The following C16orf96 variants were observed in gnomAD, a reference collection of about 807,000 sequenced individuals.
C16orf96 encodes uncharacterized protein C16orf96.
In C16orf96, 108 loss-of-function variants were observed where a neutral mutation model predicts 103.6. The observed-to-expected ratio is 1.04, with a 90% confidence interval of 0.89 to 1.22. C16orf96 has a LOEUF of 1.22. C16orf96 is among the 50% of genes most tolerant of loss of function. C16orf96 has a pLI of 0.00. For synonymous variants in C16orf96, 566 were observed against 593.5 expected, an observed-to-expected ratio of 0.95 and a Z score of 0.67; for missense variants, 1,586 against 1,464.2, an observed-to-expected ratio of 1.08 and a Z score of -1.36.
chr16:4,598,228 G>T (rs1251376734), intron 14 of C16orf96, among the ~76,000 whole-genome samples: 2 of 152,144 alleles, frequency 1.3e-5, no homozygotes, highest in Non-Finnish European at 2.9e-5. Context: ...GAGGCTCCCT[G>T]CAGTCCCAGC....
the C16orf96 span, among the ~76,000 whole-genome samples, chr16:4,550,425 C>T: frequency 1.3e-5 from 2 of 152,204 alleles, no homozygotes; most frequent in African/African-American, 4.8e-5. Context: ...AGAGCAAACA[C>T]TGACTGGTCC....
At chr16:4,557,197 TG>T (rs1422933937) in intron 1 of C16orf96, among the ~76,000 whole-genome samples, 2 of 152,126 alleles carry the variant, frequency 1.3e-5, no homozygotes, top group Non-Finnish European at 2.9e-5. Flanking sequence ...CTCAAACCCC[TG>T]ATCTCAACTG....
chr16:4,545,832 T>C, the C16orf96 span, among the ~76,000 whole-genome samples: 2 of 152,124 alleles, frequency 1.3e-5, no homozygotes, highest in Non-Finnish European at 2.9e-5. Flanking sequence ...ACTGTCCAGC[T>C]CTGGTTTTCT....
intron 1 of C16orf96, chr16:4,560,633 A>G (rs2059319992): frequency 6.6e-6 from 1 of 152,170 alleles, no homozygotes; most frequent in Admixed American, 6.6e-5. Flanking sequence ...GAGGTTTGCA[A>G]GAGACACATT....
At chr16:4,594,266 C>T in intron 12 of C16orf96, 85 bp from the exon 13 acceptor site, 4 of 1,439,832 alleles carry the variant, frequency 2.8e-6, no homozygotes, top group Non-Finnish European at 2.8e-6. Flanking sequence ...GGTCTTCCCT[C>T]GATGCTGGCC....
intron 7 of C16orf96, among the ~76,000 whole-genome samples, chr16:4,586,243 G>A (rs548539186): frequency 6.6e-6 from 1 of 152,316 alleles, no homozygotes; most frequent in Admixed American, 6.5e-5. Context: ...CTGGGCGACA[G>A]AGCAGATTCT....
chr16:4,553,468 G>A (rs947171808), upstream of C16orf96, among the ~76,000 whole-genome samples: 2 of 152,052 alleles, frequency 1.3e-5, no homozygotes, highest in Non-Finnish European at 2.9e-5. Flanking sequence ...GCCTCGAGTA[G>A]CTGGGATTAC....
At chr16:4,562,136 A>G (rs549074603) in intron 1 of C16orf96, among the ~76,000 whole-genome samples, 1 of 152,248 alleles carries the variant, frequency 6.6e-6, no homozygotes, top group Admixed American at 6.5e-5. Context: ...TAACTGGTTC[A>G]CTTTCATGAT....
chr16:4,546,917 C>G, the C16orf96 span, among the ~76,000 whole-genome samples: 1 of 152,066 alleles, frequency 6.6e-6, no homozygotes, highest in Non-Finnish European at 1.5e-5. Flanking sequence ...CTTGAGAACA[C>G]TCTGAGTGAA....
At chr16:4,581,183 T>TATATATATATATATAA (rs541449983) in intron 7 of C16orf96, among the ~76,000 whole-genome samples, 3 of 118,326 alleles carry the variant, frequency 2.5e-5, no homozygotes, top group South Asian at 2.7e-4. Context: ...TATATATATA[T>TATATATATATATATAA]AATTAGCCAG....
At chr16:4,594,947 C>A in intron 14 of C16orf96, 144 bp downstream of exon 14, 1 of 826,470 alleles carries the variant, frequency 1.2e-6, no homozygotes, top group Non-Finnish European at 1.9e-6. Context: ...AATTGGGTCA[C>A]AGCAGGCCCC....
rs1256768 is a variant in C16orf96 at position 4,575,273 on chromosome 16, A to G, written c.793A>G (p.Ile265Val). ...CAAGTACCTTGAAGCTACTCGTGCC[A>G]TCCAGGTCTCCGAGCCCGTCCAAAA... ...TTKYLEATRA[I>V]QVSEPVQNPQ... The change falls in exon 5 of 16, where the codon ATC (isoleucine) becomes GTC (valine). Residue 265 changes from isoleucine (I) to valine (V), a missense_variant. By Grantham distance (29) the Ile-to-Val change is conservative (BLOSUM62 3). Coordinates refer to ENST00000444310, the MANE Select transcript of C16orf96 (RefSeq NM_001145011.2). 263,073 of 1,550,344 alleles carry G rather than the reference A, an allele frequency of 0.17. 23,620 individuals carry two copies. Among genetic ancestry groups the G allele is most frequent in the South Asian group, 0.24 (19,775 of 84,054 alleles).
chr16:4,579,158 G>C, intron 6 of C16orf96, 133 bp downstream of exon 6: 5 of 796,600 alleles, frequency 6.3e-6, no homozygotes, highest in Non-Finnish European at 1.0e-5. Flanking sequence ...AAGCGAGCTG[G>C]CTGCGAAGGC....
intron 15 of C16orf96, 128 bp from the exon 16 acceptor site, chr16:4,599,972 C>A: frequency 8.3e-6 from 8 of 960,540 alleles, no homozygotes; most frequent in Non-Finnish European, 1.1e-5. Context: ...GGTGCCCAGC[C>A]GGCCATGGCC....
At chr16:4,549,034 T>C in the C16orf96 span, among the ~76,000 whole-genome samples, 5 of 152,042 alleles carry the variant, frequency 3.3e-5, no homozygotes, top group African/African-American at 1.2e-4. Flanking sequence ...GGGTGATGTT[T>C]ATCTCTCTTA....
chr16:4,570,660 G>A (rs2059428066), intron 1 of C16orf96, among the ~76,000 whole-genome samples: 1 of 151,794 alleles, frequency 6.6e-6, no homozygotes, highest in South Asian at 2.1e-4. Context: ...TAGAAACAGG[G>A]TTTCACCGTG....
chr16:4,559,083 C>T (rs1335274585), intron 1 of C16orf96, among the ~76,000 whole-genome samples: 1 of 151,860 alleles, frequency 6.6e-6, no homozygotes, highest in African/African-American at 2.4e-5. Flanking sequence ...AGTCTTGTCT[C>T]CAAAAAGGAG....
At chr16:4,552,870 A>C (rs148483710), upstream of C16orf96, among the ~76,000 whole-genome samples, 2 of 152,322 alleles carry the variant, frequency 1.3e-5, no homozygotes, top group African/African-American at 4.8e-5. Flanking sequence ...TTCTAAAAGA[A>C]ACATGAATGG....
At chr16:4,541,652 G>A in the C16orf96 span, among the ~76,000 whole-genome samples, 421 of 152,212 alleles carry the variant, frequency 2.8e-3, 3 homozygotes, top group Non-Finnish European at 4.5e-3. Context: ...TTATTTTTAC[G>A]CTTTTTATTG....
Sources: gnomAD v4.1 joint callset for allele counts (sites outside exome capture counted in the v4.1 genomes callset) on GRCh38, gnomAD v4.1.1 for gene constraint, MANE v1.5 for transcripts, NCBI Gene and HGNC (gene_info 2026-07-23, HGNC 2026-07-21) for gene names.